PHACTR3: variants seen among roughly 807,000 people sequenced by gnomAD.
PHACTR3 encodes protein phosphatase 1, regulatory subunit 123.
PHACTR3 carries 16 observed loss-of-function variants against 66.8 expected under a neutral mutation model. The observed-to-expected ratio is 0.24, with a 90% CI of 0.16 to 0.36. The LOEUF (loss-of-function observed/expected upper bound fraction) is 0.36, where lower values mean the gene tolerates loss of function less well. PHACTR3 is among the 10% of genes least tolerant of loss of function. PHACTR3 has a pLI of 1.00. For missense variants in PHACTR3, 647 were observed against 719.9 expected, an observed-to-expected ratio of 0.90 and a Z score of 1.16; for synonymous variants, 323 against 292.1, an observed-to-expected ratio of 1.11 and a Z score of -1.08.
Position 59,841,443 on chromosome 20 carries a change from A to C in PHACTR3, c.1495A>C (p.Ile499Leu). ...VDELRDRKIL[I>L]RFSDYVEVAK... ...TGAATTAAGAGACAGAAAAATTCTGATACGATTCAGTGATTACGTGGAAGT... is the reference window on the plus strand; with the variant it reads ...TGAATTAAGAGACAGAAAAATTCTGCTACGATTCAGTGATTACGTGGAAGT... The change falls in exon 11 of 13, where the codon ATA becomes CTA. Residue 499 changes from isoleucine (I) to leucine (L), a missense_variant. Ile to Leu is a conservative substitution (Grantham distance 5, BLOSUM62 2). Around this residue, in one of 2 missense-constraint regions of PHACTR3, gnomAD observed 70 missense variants for 148.8 expected, o/e 0.47. Transcript: ENST00000371015. The C allele has an allele frequency of 6.2e-7, 1 of 1,613,710 alleles. No individual in the cohort carries two copies. The highest frequency in any genetic ancestry group is 8.5e-7 in the Non-Finnish European group (1 of 1,179,716).
chr20:59,806,210 C>G lies in PHACTR3; in HGVS notation c.1328+16C>G, dbSNP rs750153569. On this transcript the variant is annotated intron_variant, in intron 8 of 12. Coordinates refer to ENST00000371015, the MANE Select transcript of PHACTR3 (RefSeq NM_080672.5). The stretch of plus-strand genomic sequence containing the variant: ...AGCTTTCCAAGTAAGTGGCAGCTTG[C>G]GGGCACAGCCGGGCCTGTGCTCTGG... 10 of 1,611,042 alleles carry G rather than the reference C, an allele frequency of 6.2e-6. No individual in the cohort carries two copies. In the East Asian group the frequency reaches 2.2e-4, roughly 36 times the overall value.
chr20:59,578,623 A>G (rs2032781609), intron 1 of PHACTR3, among the ~76,000 whole-genome samples: 2 of 152,172 alleles, frequency 1.3e-5, no homozygotes, highest in South Asian at 4.1e-4. Context: ...CCCAGTGGGC[A>G]GAAGCCGGGG....
At chr20:59,578,481 G>C (rs1568912354) in intron 1 of PHACTR3, among the ~76,000 whole-genome samples, 2 of 152,224 alleles carry the variant, frequency 1.3e-5, no homozygotes, top group Non-Finnish European at 2.9e-5. Context: ...GAGAATCTGT[G>C]TTTTTAACCA....
intron 1 of PHACTR3, among the ~76,000 whole-genome samples, chr20:59,740,330 C>T (rs2039108310): frequency 6.6e-6 from 1 of 151,794 alleles, no homozygotes; most frequent in African/African-American, 2.4e-5. Context: ...TTTTTAGAGA[C>T]AGGGTCTCTC....
At position 59,635,150 on chromosome 20, in the gene PHACTR3, T is replaced by TC. The variant is rs35413184; in HGVS notation, c.118+30018_118+30019insC. On this transcript the variant is annotated intron_variant, in intron 1 of 12. Coordinates refer to ENST00000371015, the MANE Select transcript of PHACTR3 (RefSeq NM_080672.5). Reference sequence around the variant, plus strand: ...TTCTTTCTTTCTTTCTTTCTTTCTTTTTCTTTCTTTCTTTCTTTCCTTTCT... The same window carrying TC: ...TTCTTTCTTTCTTTCTTTCTTTCTTTCTTCTTTCTTTCTTTCTTTCCTTTCT... Among the ~76,000 whole-genome samples the TC allele has an allele frequency of 0.014, 270 of 19,212 alleles. 6 individuals are homozygous for TC. The East Asian group carries it at 0.23, about 17-fold the overall frequency. 12.6% of individuals were successfully genotyped at this position (19,212 alleles called of 152,430 possible). A position where few individuals can be genotyped will look rare whatever the true frequency, so the allele number is the denominator to read the frequency against.
At chr20:59,802,118 C>T (rs8126239) in intron 7 of PHACTR3, among the ~76,000 whole-genome samples, 6,603 of 152,134 alleles carry the variant, frequency 0.043, 432 homozygotes, top group African/African-American at 0.14. Flanking sequence ...TAGTTTTGGA[C>T]GTGCTAAGTT....
chr20:59,625,179 T>A (rs1313138093), intron 1 of PHACTR3, among the ~76,000 whole-genome samples: 1 of 152,014 alleles, frequency 6.6e-6, no homozygotes, highest in Non-Finnish European at 1.5e-5. Flanking sequence ...TTCTCATTTG[T>A]TTTCTTTGTA....
intron 1 of PHACTR3, among the ~76,000 whole-genome samples, chr20:59,742,302 T>G (rs2039194073): frequency 6.6e-6 from 1 of 152,092 alleles, no homozygotes; most frequent in African/African-American, 2.4e-5. Flanking sequence ...CCAGTCCCCC[T>G]GTGGACGGGT....
chr20:59,833,291 C>G (rs1445381870), intron 8 of PHACTR3, among the ~76,000 whole-genome samples: 1 of 152,242 alleles, frequency 6.6e-6, no homozygotes, highest in Non-Finnish European at 1.5e-5. Flanking sequence ...CAGACTGCCT[C>G]TGTGCCTTGG....
intron 1 of PHACTR3, among the ~76,000 whole-genome samples, chr20:59,631,299 G>A (rs1244098108): frequency 1.4e-4 from 22 of 152,264 alleles, no homozygotes; most frequent in African/African-American, 4.3e-4. Context: ...GGATTCTGAC[G>A]CTTGGGTAGG....
intron 1 of PHACTR3, chr20:59,721,461 T>C (rs535342903): frequency 6.5e-6 from 1 of 152,686 alleles, no homozygotes; most frequent in East Asian, 1.9e-4. Flanking sequence ...GATGGGGCGA[T>C]GGTGGGGGAT....
chr20:59,737,999 T>TG (rs1784422593), intron 1 of PHACTR3, among the ~76,000 whole-genome samples: 1 of 151,426 alleles, frequency 6.6e-6, no homozygotes, highest in Non-Finnish European at 1.5e-5. Context: ...AGGGCAGAAG[T>TG]GGGGGGAGGC....
At chr20:59,612,025 C>T (rs145729082) in intron 1 of PHACTR3, among the ~76,000 whole-genome samples, 181 of 152,178 alleles carry the variant, frequency 1.2e-3, no homozygotes, top group Middle Eastern at 3.4e-3. Context: ...CAAAGCGTGC[C>T]GGAGGGGACG....
At chr20:59,725,497 A>C (rs73303189) in intron 1 of PHACTR3, among the ~76,000 whole-genome samples, 3,869 of 152,318 alleles carry the variant, frequency 0.025, 174 homozygotes, top group African/African-American at 0.088. Context: ...GACAGACACC[A>C]CACCTGGTTT....
chr20:59,736,736 T>C lies in PHACTR3; in HGVS notation c.119-6371T>C, dbSNP rs1568761676. ...TCATGTCCTCTGCCCTTGGAGGGGT[T>C]TGTAAGTAGTTTTCTCTGAGCAGCA... On this transcript the variant is annotated intron_variant, in intron 1 of 12. Transcript: ENST00000371015. This position sits in a 1 kb window ranked among gnomAD's most constrained non-coding sequence, Gnocchi z 4.6. 6.6e-6 allele frequency among the ~76,000 whole-genome samples: 1 copy of C among 152,114 alleles called. No individual in the cohort carries two copies. The highest frequency in any genetic ancestry group is 1.5e-5 in the Non-Finnish European group (1 of 68,024).
At position 59,604,727 on chromosome 20, in the gene PHACTR3, A is replaced by C; in HGVS notation, c.-288A>C. ...TTCAACTTTTTTTTTTTTCCCTGGA[A>C]TATAGACTGAAGAATGGGAATAAAC... On this transcript the variant is annotated 5_prime_UTR_variant, in exon 1 of 13. Transcript: ENST00000371015. The C allele has an allele frequency of 9.4e-7, 1 of 1,067,530 alleles. No homozygotes were observed. Among genetic ancestry groups the C allele is most frequent in the Non-Finnish European group, 1.1e-6 (1 of 885,680 alleles). The allele number at this position is 1,067,530 out of a possible 1,614,324, so 66.1% of individuals were successfully genotyped here.
At chr20:59,638,109 G>A (rs1158954596) in intron 1 of PHACTR3, among the ~76,000 whole-genome samples, 1 of 152,224 alleles carries the variant, frequency 6.6e-6, no homozygotes, top group Non-Finnish European at 1.5e-5. Context: ...CTTGACACCT[G>A]CACCACTACC....
chr20:59,626,214 A>G (rs1417717531), intron 1 of PHACTR3, among the ~76,000 whole-genome samples: 1 of 152,210 alleles, frequency 6.6e-6, no homozygotes, highest in Non-Finnish European at 1.5e-5. Flanking sequence ...GTATGCATAT[A>G]GCTATATATG....
rs537306406 is a variant in PHACTR3, at chr20:59,756,114, G to C, written c.541+750G>C. On this transcript the variant is annotated intron_variant, in intron 4 of 12. Transcript: ENST00000371015. ...TAGACCAGGGCGCTTCCCAAGGATA[G>C]GGGAGAAGGGAGGAAGGATAGAGGG... Among the ~76,000 whole-genome samples, 7 of 152,280 alleles carry C rather than the reference G, an allele frequency of 4.6e-5. No homozygotes were observed. In the East Asian group the frequency reaches 1.2e-3, roughly 25 times the overall value.
Sources: allele counts gnomAD v4.1 joint callset (sites outside exome capture counted in the v4.1 genomes callset), GRCh38; gene constraint gnomAD v4.1.1; regional missense constraint gnomAD v4.1.1; non-coding constraint Gnocchi (gnomAD v3.1); transcripts MANE v1.5; gene names NCBI Gene and HGNC (gene_info 2026-07-23, HGNC 2026-07-21).